Variants in DNAH10 observed in about 807,000 individuals in gnomAD.
The protein encoded by DNAH10 is dynein axonemal heavy chain 10, also known as axonemal beta dynein heavy chain 10.
DNAH10 carries 348 observed loss-of-function variants against 506.6 expected under a neutral mutation model. The ratio of observed to expected loss-of-function variants is 0.69; its 90% CI spans 0.63 to 0.75. The LOEUF is 0.75. Ranked by LOEUF, DNAH10 falls within the 30% of genes least tolerant of loss-of-function variation. The pLI, the probability that DNAH10 is intolerant of heterozygous loss-of-function variation, is 0.00. For missense variants in DNAH10, 5,179 were observed against 5,787.1 expected, an observed-to-expected ratio of 0.89 and a Z score of 3.41; for synonymous variants, 2,059 against 2,198.6, an observed-to-expected ratio of 0.94 and a Z score of 1.78.
rs1478591057 is a variant in DNAH10 at position 123,903,392 on chromosome 12, G to A, written c.9815+279G>A. On this transcript the variant is annotated intron_variant, in intron 57 of 78. Coordinates refer to ENST00000673944, the MANE Select transcript of DNAH10 (RefSeq NM_001372106.1). The surrounding 1 kb of genome is among the most constrained non-coding windows in gnomAD (Gnocchi z 4.6). ...CAGGCCAAGGGAAGGATGGAGTGGG[G>A]TAAAACAGTGCTCTTCACGGAACAT... Among the ~76,000 whole-genome samples, 3 of 152,202 alleles carry A rather than the reference G, an allele frequency of 2.0e-5. No individual in the cohort carries two copies. Among genetic ancestry groups the A allele is most frequent in the South Asian group, 2.1e-4 (1 of 4,834 alleles).
chr12:123,781,376 T>C, intron 6 of DNAH10, 77 bp downstream of exon 6: 1 of 1,353,698 alleles, frequency 7.4e-7, no homozygotes, highest in South Asian at 1.4e-5. Flanking sequence ...CATGCCACCA[T>C]GCCTGGCTAA....
chr12:123,766,034 C>A (rs1957033394), intron 1 of DNAH10, among the ~76,000 whole-genome samples: 1 of 152,146 alleles, frequency 6.6e-6, no homozygotes, highest in African/African-American at 2.4e-5. Flanking sequence ...ACATCTATCT[C>A]TGTCTATACA....
At chr12:123,890,144 C>T (rs1452004505) in intron 52 of DNAH10, among the ~76,000 whole-genome samples, 1 of 152,186 alleles carries the variant, frequency 6.6e-6, no homozygotes, top group Non-Finnish European at 1.5e-5. Flanking sequence ...GGCTGTTGTG[C>T]AGGGATCAGG....
At chr12:123,915,645 G>A (rs949850468) in intron 62 of DNAH10, among the ~76,000 whole-genome samples, 3 of 152,100 alleles carry the variant, frequency 2.0e-5, no homozygotes, top group Admixed American at 6.5e-5. Flanking sequence ...TGTGTCTGGC[G>A]CCTTTCACTC....
At chr12:123,935,290 G>A (rs537627632) in intron 78 of DNAH10, 45 bp from the exon 79 acceptor site, 4 of 1,587,004 alleles carry the variant, frequency 2.5e-6, no homozygotes, top group Non-Finnish European at 3.5e-6. Context: ...TTATCCCTCT[G>A]CACCCTCTCT....
At chr12:123,795,719 G>A (rs1958251481) in intron 12 of DNAH10, among the ~76,000 whole-genome samples, 1 of 152,140 alleles carries the variant, frequency 6.6e-6, no homozygotes, top group Admixed American at 6.5e-5. Context: ...GGATTAGGAC[G>A]TGGACATCTT....
chr12:123,865,062 C>T (rs1042109674), intron 40 of DNAH10, among the ~76,000 whole-genome samples: 2 of 152,076 alleles, frequency 1.3e-5, no homozygotes, highest in Non-Finnish European at 2.9e-5. Flanking sequence ...TCTCTTATAC[C>T]ACTAACGTCA....
At chr12:123,920,741 C>T (rs1954686118) in intron 65 of DNAH10, among the ~76,000 whole-genome samples, 1 of 152,136 alleles carries the variant, frequency 6.6e-6, no homozygotes, top group African/African-American at 2.4e-5. Context: ...CTTAATTTCT[C>T]TCTTTTCCCC....
chr12:123,893,638 G>C (rs1490259179), intron 53 of DNAH10, among the ~76,000 whole-genome samples: 1 of 152,256 alleles, frequency 6.6e-6, no homozygotes, highest in Non-Finnish European at 1.5e-5. Context: ...CCTCTGACAG[G>C]AGGATGTACC....
At chr12:123,792,410 GTCC>G (rs911954457) in intron 11 of DNAH10, among the ~76,000 whole-genome samples, 4 of 150,000 alleles carry the variant, frequency 2.7e-5, no homozygotes, top group Non-Finnish European at 3.0e-5. Context: ...AGAGCTCATT[GTCC>G]TCCTACTCTA....
chr12:123,820,061 A>G (rs1029617050), intron 23 of DNAH10, among the ~76,000 whole-genome samples: 5 of 152,210 alleles, frequency 3.3e-5, no homozygotes, highest in Non-Finnish European at 4.4e-5. Context: ...AAAAAATACC[A>G]TGAGACAAAC....
Position 123,918,907 on chromosome 12 carries a change from A to C in DNAH10, c.11464A>C (p.Met3822Leu), listed in dbSNP as rs1954607104. The C allele has an allele frequency of 6.2e-7, 1 of 1,613,678 alleles. No homozygotes were observed. The highest frequency in any genetic ancestry group is 1.7e-5 in the Admixed American group (1 of 59,998). ...CCTCATGAAACGCCTGAGGAACATC[A>C]TGGACACGCTGACCTTCAGCATCTA... Reference protein sequence around the residue: ...SILMKRLRNIMDTLTFSIYNH... With the variant: ...SILMKRLRNILDTLTFSIYNH... Residue 3822 changes from methionine (M) to leucine (L), a missense_variant, in exon 65 of 79, where the codon ATG becomes CTG. Coordinates refer to ENST00000673944, the MANE Select transcript of DNAH10 (RefSeq NM_001372106.1).
chr12:123,865,689 AT>A (rs1223079602), intron 40 of DNAH10, among the ~76,000 whole-genome samples: 2 of 152,114 alleles, frequency 1.3e-5, no homozygotes, highest in African/African-American at 4.8e-5. Flanking sequence ...ATATTTTTCT[AT>A]TTTTTGTCAG....
intron 65 of DNAH10, 46 bp downstream of exon 65, chr12:123,918,995 G>T (rs756328099): frequency 6.7e-7 from 1 of 1,495,824 alleles, no homozygotes; most frequent in South Asian, 1.4e-5. Flanking sequence ...AGTTTGGTGT[G>T]CCAGACGTGG....
chr12:123,790,972 T>C (rs1958058156), intron 11 of DNAH10, among the ~76,000 whole-genome samples: 1 of 151,886 alleles, frequency 6.6e-6, no homozygotes, highest in African/African-American at 2.4e-5. Context: ...CAAAAAACTT[T>C]AAAAAATTAG....
intron 12 of DNAH10, among the ~76,000 whole-genome samples, chr12:123,794,913 C>T (rs968345280): frequency 1.3e-5 from 2 of 150,816 alleles, no homozygotes; most frequent in Admixed American, 6.6e-5. Flanking sequence ...TTGGGGAGGC[C>T]GAGGCAGGTG....
intron 1 of DNAH10, among the ~76,000 whole-genome samples, chr12:123,763,487 G>C (rs1956905212): frequency 6.6e-6 from 1 of 152,116 alleles, no homozygotes; most frequent in African/African-American, 2.4e-5. Flanking sequence ...CTGGGTTCGG[G>C]TGGCAGGGCC....
At chr12:123,845,574 C>A in intron 30 of DNAH10, 26 bp from the exon 31 acceptor site, 2 of 1,610,030 alleles carry the variant, frequency 1.2e-6, no homozygotes, top group Non-Finnish European at 1.7e-6. Context: ...TGATCAGAGC[C>A]TCTTACAGGT....
intron 50 of DNAH10, 29 bp downstream of exon 50, chr12:123,879,830 G>T (rs758805681): frequency 6.2e-7 from 1 of 1,605,230 alleles, no homozygotes; most frequent in South Asian, 1.1e-5. Context: ...CTGTCCATGG[G>T]CTCACTTTCT....
Sources: allele counts gnomAD v4.1 joint callset (sites outside exome capture counted in the v4.1 genomes callset), GRCh38; gene constraint gnomAD v4.1.1; non-coding constraint Gnocchi (gnomAD v3.1); transcripts MANE v1.5; gene names NCBI Gene and HGNC (gene_info 2026-07-23, HGNC 2026-07-21).